WDR64: variants seen among roughly 807,000 people sequenced by gnomAD.
The protein encoded by WDR64 is WD repeat-containing protein 64.
WDR64 carries 112 observed loss-of-function variants against 139.3 expected under a neutral mutation model. The observed-to-expected ratio is 0.80, with a 90% CI of 0.69 to 0.94. The LOEUF (loss-of-function observed/expected upper bound fraction) is 0.94, where lower values mean the gene tolerates loss of function less well. Ranked by LOEUF, WDR64 falls within the 40% of genes least tolerant of loss-of-function variation. The pLI, the probability that WDR64 is intolerant of heterozygous loss-of-function variation, is 0.00. For synonymous variants in WDR64, 444 were observed against 437.7 expected, an observed-to-expected ratio of 1.01 and a Z score of -0.18; for missense variants, 1,206 against 1,293.1, an observed-to-expected ratio of 0.93 and a Z score of 1.03.
chr1:241,676,096 C>G (rs544053893), intron 4 of WDR64: 1 of 152,250 alleles, frequency 6.6e-6, no homozygotes, highest in East Asian at 1.9e-4. Context: ...TCAGTAATCT[C>G]CAGCTCAGGA....
intron 17 of WDR64, 49 bp downstream of exon 17, chr1:241,769,554 C>A: frequency 6.8e-7 from 1 of 1,470,792 alleles, no homozygotes; most frequent in South Asian, 1.2e-5. Flanking sequence ...ACTTAGGTGG[C>A]TGATACATTA....
chr1:241,740,538 T>C (rs1011428085), intron 11 of WDR64, among the ~76,000 whole-genome samples: 1 of 152,240 alleles, frequency 6.6e-6, no homozygotes, highest in African/African-American at 2.4e-5. Flanking sequence ...GAGAATTCTT[T>C]GGAGAAACTT....
chr1:241,676,525 G>C (rs963669404), intron 4 of WDR64: 1 of 152,094 alleles, frequency 6.6e-6, no homozygotes, highest in Non-Finnish European at 1.5e-5. Flanking sequence ...ATGGTATCTA[G>C]AAAATAATAG....
intron 14 of WDR64, among the ~76,000 whole-genome samples, chr1:241,753,199 T>C (rs1670042989): frequency 6.6e-6 from 1 of 152,184 alleles, no homozygotes; most frequent in Non-Finnish European, 1.5e-5. Flanking sequence ...GGTATGTACC[T>C]TGCCCGAGGT....
At chr1:241,786,372 T>C (rs766262172) in intron 23 of WDR64, among the ~76,000 whole-genome samples, 25 of 152,132 alleles carry the variant, frequency 1.6e-4, no homozygotes, top group Non-Finnish European at 3.7e-4. Flanking sequence ...CACTCTGAGG[T>C]TGAAATCAAT....
chr1:241,675,750 A>G lies in WDR64; in HGVS notation c.483+1003A>G, dbSNP rs1467267288. ...TTTACATCTGTAGAATGAGGACAAT[A>G]AAACCTGTCCTCCCTCAAAGGATTG... On this transcript the variant is annotated intron_variant, in intron 4 of 27. Coordinates refer to ENST00000437684, the MANE Select transcript of WDR64 (RefSeq NM_001367482.1). Among the ~76,000 whole-genome samples, 6 of 152,346 alleles carry G rather than the reference A, an allele frequency of 3.9e-5. No individual in the cohort carries two copies. In the East Asian group the frequency reaches 9.7e-4, roughly 25 times the overall value.
At chr1:241,680,038 G>T (rs74150352) in intron 6 of WDR64, among the ~76,000 whole-genome samples, 3,376 of 152,210 alleles carry the variant, frequency 0.022, 117 homozygotes, top group African/African-American at 0.076. Context: ...CCAATCTACA[G>T]TATTTATTGG....
chr1:241,674,545 T>A lies in WDR64; in HGVS notation c.380-99T>A, dbSNP rs1666388641. 19 of 683,844 alleles carry A rather than the reference T, an allele frequency of 2.8e-5. No individual in the cohort carries two copies. The South Asian group carries it at 3.8e-4, about 14-fold the overall frequency. 42.4% of individuals were successfully genotyped at this position (683,844 alleles called of 1,614,324 possible). A position where few individuals can be genotyped will look rare whatever the true frequency, so the allele number is the denominator to read the frequency against. On this transcript the variant is annotated intron_variant, in intron 3 of 27. Transcript: ENST00000437684. Reference sequence around the variant, plus strand: ...TCTGGGATTACAGGAGTGAGCCACTTGTGCCCTGGCCATATCATTTTTTAA... The same window carrying A: ...TCTGGGATTACAGGAGTGAGCCACTAGTGCCCTGGCCATATCATTTTTTAA...
chr1:241,692,345 C>T (rs1296351296), intron 8 of WDR64, among the ~76,000 whole-genome samples: 2 of 151,958 alleles, frequency 1.3e-5, no homozygotes, highest in Non-Finnish European at 2.9e-5. Context: ...GTATTCATCA[C>T]AATAATGAAG....
At chr1:241,655,151 A>G (rs1665531984) in intron 1 of WDR64, among the ~76,000 whole-genome samples, 2 of 152,148 alleles carry the variant, frequency 1.3e-5, no homozygotes, top group South Asian at 2.1e-4. Context: ...TTGGGAGGCC[A>G]AGGTGGGCGG....
chr1:241,743,681 A>G (rs985084381), intron 12 of WDR64, among the ~76,000 whole-genome samples: 5 of 152,036 alleles, frequency 3.3e-5, no homozygotes, highest in African/African-American at 1.2e-4. Flanking sequence ...GAACATGGCA[A>G]CTCCATGAAG....
At chr1:241,722,308 T>C (rs1440029502) in intron 9 of WDR64, among the ~76,000 whole-genome samples, 1 of 152,162 alleles carries the variant, frequency 6.6e-6, no homozygotes, top group African/African-American at 2.4e-5. Flanking sequence ...ACTGACAGAA[T>C]ATATCATTGA....
chr1:241,756,649 C>T (rs1439483790), intron 14 of WDR64, among the ~76,000 whole-genome samples: 2 of 152,140 alleles, frequency 1.3e-5, no homozygotes, highest in Non-Finnish European at 2.9e-5. Context: ...CTCCTCTACT[C>T]CTGGTGAGAG....
rs1669407940 is a variant in WDR64, at chr1:241,738,428, A to G, written c.1260A>G (p.Gly420=). 1.9e-6 allele frequency: 3 copies of G among 1,613,878 alleles called. No homozygotes were observed. Among genetic ancestry groups the G allele is most frequent in the South Asian group, 2.2e-5 (2 of 91,040 alleles). ...LLQVFHDSQG[G]PGDMQIYSMI... ...AAGTCTTCCATGACAGCCAGGGAGGACCAGGAGACATGCAGATTTACTCTA... is the reference window on the plus strand; with the variant it reads ...AAGTCTTCCATGACAGCCAGGGAGGGCCAGGAGACATGCAGATTTACTCTA... The change falls in exon 11 of 28, where the codon GGA becomes GGG. Residue 420 remains glycine (G), a synonymous_variant. Coordinates refer to ENST00000437684, the MANE Select transcript of WDR64 (RefSeq NM_001367482.1).
intron 8 of WDR64, 48 bp from the exon 9 acceptor site, chr1:241,711,754 T>C (rs781276199): frequency 1.3e-6 from 2 of 1,584,364 alleles, no homozygotes; most frequent in South Asian, 2.2e-5. Context: ...CAGAATTAAC[T>C]TGATAAAGAA....
chr1:241,653,486 A>G (rs536145535), intron 1 of WDR64, among the ~76,000 whole-genome samples: 11 of 152,020 alleles, frequency 7.2e-5, no homozygotes, highest in African/African-American at 2.7e-4. Context: ...TGTGGAAAAA[A>G]TGGGAGCTGA....
At chr1:241,723,748 T>TCTGTTATTGTTG (rs138001623) in intron 10 of WDR64, among the ~76,000 whole-genome samples, 9,778 of 151,962 alleles carry the variant, frequency 0.064, 1,056 homozygotes, top group African/African-American at 0.23. Context: ...AATGAGGATT[T>TCTGTTATTGTTG]CTGTTATTAA....
chr1:241,735,262 T>A (rs1669251801), intron 10 of WDR64, among the ~76,000 whole-genome samples: 1 of 152,240 alleles, frequency 6.6e-6, no homozygotes. Context: ...GCTGATGGAA[T>A]CCTGTTGTAT....
intron 15 of WDR64, among the ~76,000 whole-genome samples, chr1:241,760,022 C>T (rs1670362103): frequency 6.6e-6 from 1 of 152,166 alleles, no homozygotes; most frequent in Admixed American, 6.5e-5. Context: ...CCTGAAGATT[C>T]ATCTATGTGT....
Sources: allele counts gnomAD v4.1 joint callset (sites outside exome capture counted in the v4.1 genomes callset), GRCh38; gene constraint gnomAD v4.1.1; transcripts MANE v1.5; gene names NCBI Gene and HGNC (gene_info 2026-07-23, HGNC 2026-07-21).